The following ARHGEF1 variants were observed in gnomAD, a reference collection of about 807,000 sequenced individuals.
The protein encoded by ARHGEF1 is Rho guanine nucleotide exchange factor 1.
In ARHGEF1, 40 loss-of-function variants were observed where a neutral mutation model predicts 119.7. The observed-to-expected ratio is 0.33, with a 90% confidence interval of 0.26 to 0.44. ARHGEF1 has a LOEUF of 0.44. Ranked by LOEUF, ARHGEF1 falls within the 20% of genes least tolerant of loss-of-function variation. The probability of loss-of-function intolerance (pLI) is 1.00; values close to 1 mark genes in which losing one functional copy is unlikely to be tolerated. For missense variants in ARHGEF1, 976 were observed against 1,268.3 expected, an observed-to-expected ratio of 0.77 and a Z score of 3.50; for synonymous variants, 494 against 521.0, an observed-to-expected ratio of 0.95 and a Z score of 0.71.
chr19:41,884,135 G>C (rs1008219363), intron 1 of ARHGEF1, among the ~76,000 whole-genome samples: 1 of 152,102 alleles, frequency 6.6e-6, no homozygotes, highest in Non-Finnish European at 1.5e-5. Flanking sequence ...GGAGATCTCC[G>C]ATCGAACTCG....
At chr19:41,908,293 C>T (rs1245447201), downstream of ARHGEF1, 7 of 1,231,470 alleles carry the variant, frequency 5.7e-6, no homozygotes, top group South Asian at 4.1e-5. This position sits in a 1 kb window ranked among gnomAD's most constrained non-coding sequence, Gnocchi z 6.7. Flanking sequence ...TCATCGCCCT[C>T]GCTGTCAGAG....
At chr19:41,922,437 A>T (rs1366557043), upstream of ARHGEF1, among the ~76,000 whole-genome samples, 2 of 152,210 alleles carry the variant, frequency 1.3e-5, no homozygotes, top group African/African-American at 4.8e-5. Flanking sequence ...TGGGACTGAG[A>T]TGCGGGAGCA....
Position 41,896,453 on chromosome 19 carries a change from G to A in ARHGEF1, c.1092G>A (p.Glu364=), listed in dbSNP as rs1555847634. The A allele has an allele frequency of 1.3e-6, 2 of 1,483,970 alleles. No individual in the cohort carries two copies. Among genetic ancestry groups the A allele is most frequent in the African/African-American group, 1.4e-5 (1 of 70,590 alleles). The allele number at this position is 1,483,970 out of a possible 1,614,324, so 91.9% of individuals were successfully genotyped here. A position where few individuals can be genotyped will look rare whatever the true frequency, so the allele number is the denominator to read the frequency against. ...PMSLESLAPP[E]STDEGAETES... ...GCCTGGAGTCCTTGGCGCCCCCAGAGAGTACCGACGAGGGGGCCGAAACCG... is the reference window on the plus strand; with the variant it reads ...GCCTGGAGTCCTTGGCGCCCCCAGAAAGTACCGACGAGGGGGCCGAAACCG... Residue 364 remains glutamate, a synonymous_variant, in exon 13 of 29, where the codon GAG becomes GAA. Coordinates refer to ENST00000354532, the MANE Select transcript of ARHGEF1 (RefSeq NM_004706.4).
At chr19:41,894,163 T>TGTGTGC (rs2074437124) in intron 8 of ARHGEF1, 44 bp from the exon 9 acceptor site, 1 of 1,162,902 alleles carries the variant, frequency 8.6e-7, no homozygotes, top group Non-Finnish European at 1.2e-6. Flanking sequence ...TGTGTGTGTG[T>TGTGTGC]GTGTCTTTGT....
rs2074809394 is a variant in ARHGEF1, at chr19:41,917,568, T to G, written c.1866-5524T>G. 2.6e-5 allele frequency among the ~76,000 whole-genome samples: 4 copies of G among 151,302 alleles called. No individual in the cohort carries two copies. Among genetic ancestry groups the G allele is most frequent in the African/African-American group, 7.3e-5 (3 of 41,034 alleles). ...ATTTCATATCTTCTCCGGGGCTCTG[T>G]CTAAAGAGGAGAGAGACGCGGCCTA... On this transcript the variant is annotated intron_variant, in intron 18 of 20. Coordinates refer to the ARHGEF1 transcript ENST00000599589. The surrounding 1 kb of genome is among the most constrained non-coding windows in gnomAD (Gnocchi z 4.8).
Position 41,883,186 on chromosome 19 carries a change from C to A in ARHGEF1, c.-123C>A. 1 of 175,836 alleles carries A rather than the reference C, an allele frequency of 5.7e-6. No homozygotes were observed. The highest frequency in any genetic ancestry group is 1.3e-5 in the Non-Finnish European group (1 of 78,872). The allele number at this position is 175,836 out of a possible 1,614,324, so 10.9% of individuals were successfully genotyped here. On this transcript the variant is annotated 5_prime_UTR_variant, in exon 1 of 29. Transcript: ENST00000354532. The surrounding 1 kb of genome is among the most constrained non-coding windows in gnomAD (Gnocchi z 7.6). ...GGGGGCCTCCGGAAAAACGCCCCGA[C>A]TTCCTGCCCCGCCAGAGCCAGGAAG...
chr19:41,927,134 A>G (rs142449828), intron 1 of ARHGEF1, among the ~76,000 whole-genome samples: 1 of 152,252 alleles, frequency 6.6e-6, no homozygotes, highest in Non-Finnish European at 1.5e-5. Flanking sequence ...GGAGAGTTAG[A>G]GGTGGACACA....
intron 18 of ARHGEF1, among the ~76,000 whole-genome samples, chr19:41,914,057 T>C (rs1302778415): frequency 6.0e-5 from 6 of 99,736 alleles, no homozygotes; most frequent in Non-Finnish European, 9.5e-5. Flanking sequence ...GCCCACACTG[T>C]GTTCCCCCGT....
Position 41,906,486 on chromosome 19 carries a change from G to A in ARHGEF1, c.2521G>A (p.Ala841Thr), listed in dbSNP as rs1555850201. 3.2e-6 allele frequency: 5 copies of A among 1,577,766 alleles called. No individual in the cohort carries two copies. The highest frequency in any genetic ancestry group is 4.3e-6 in the Non-Finnish European group (5 of 1,169,304). Residue 841 changes from alanine to threonine, a missense_variant, in exon 27 of 29, where the codon GCG (alanine) becomes ACG (threonine). Physicochemically the swap from Ala to Thr is moderately conservative, Grantham distance 58 (BLOSUM62 0). Transcript: ENST00000354532. This position sits in a 1 kb window ranked among gnomAD's most constrained non-coding sequence, Gnocchi z 4.5. ...GTCCCTGAAGCAGCTTCTGTTTCCGGCGGAGGAAGACAATGGGGCGGGGCC... is the reference window on the plus strand; with the variant it reads ...GTCCCTGAAGCAGCTTCTGTTTCCGACGGAGGAAGACAATGGGGCGGGGCC... ...VLSLKQLLFPAEEDNGAGPPR... is the reference protein window; with the variant it reads ...VLSLKQLLFPTEEDNGAGPPR...
rs1599637913 is a variant in ARHGEF1, at chr19:41,892,944, T to C, written c.614+95T>C. 2.1e-6 allele frequency: 3 copies of C among 1,419,014 alleles called. No individual in the cohort carries two copies. The highest frequency in any genetic ancestry group is 2.8e-6 in the Non-Finnish European group (3 of 1,086,400). 87.9% of individuals were successfully genotyped at this position (1,419,014 alleles called of 1,614,324 possible). A position where few individuals can be genotyped will look rare whatever the true frequency, so the allele number is the denominator to read the frequency against. On this transcript the variant is annotated intron_variant, in intron 7 of 28. Coordinates refer to ENST00000354532, the MANE Select transcript of ARHGEF1 (RefSeq NM_004706.4). The surrounding 1 kb of genome is among the most constrained non-coding windows in gnomAD (Gnocchi z 6.3). ...TGTTCCATCCCGTTTGCAGGTTCCC[T>C]CTTCAGGGTCAGAGTTCATTTCTTG...
At chr19:41,926,620 T>A (rs1333639334) in intron 1 of ARHGEF1, among the ~76,000 whole-genome samples, 2 of 152,162 alleles carry the variant, frequency 1.3e-5, no homozygotes, top group African/African-American at 4.8e-5. Context: ...AGCTCTGGGC[T>A]AGGCGAGGCC....
Position 41,892,315 on chromosome 19 carries a change from T to G in ARHGEF1, c.325-16T>G, listed in dbSNP as rs1555846355. The G allele has an allele frequency of 6.2e-7, 1 of 1,613,350 alleles. No homozygotes were observed. The highest frequency in any genetic ancestry group is 1.7e-5 in the Admixed American group (1 of 60,002). On this transcript the variant is annotated splice_polypyrimidine_tract_variant and intron_variant, in intron 5 of 28. Transcript: ENST00000354532. The surrounding 1 kb of genome is among the most constrained non-coding windows in gnomAD (Gnocchi z 6.3). Reference sequence around the variant, plus strand: ...CACCAAGTCCTCCTCTTCACCCCATTCTCTCTCTTGAGCAGGTTCTCCGGG... The same window carrying G: ...CACCAAGTCCTCCTCTTCACCCCATGCTCTCTCTTGAGCAGGTTCTCCGGG...
intron 4 of ARHGEF1, chr19:41,890,445 A>G (rs2074358370): frequency 6.6e-6 from 1 of 152,016 alleles, no homozygotes; most frequent in South Asian, 2.1e-4. Context: ...CAAGAGTTCG[A>G]GACCAGCGTG....
At position 41,903,158 on chromosome 19, in the gene ARHGEF1, G is replaced by A; in HGVS notation, c.1739-149G>A. 1.4e-6 allele frequency: 1 copy of A among 710,356 alleles called. No individual in the cohort carries two copies. Among genetic ancestry groups the A allele is most frequent in the Non-Finnish European group, 2.4e-6 (1 of 419,758 alleles). 44.0% of individuals were successfully genotyped at this position (710,356 alleles called of 1,614,324 possible). On this transcript the variant is annotated intron_variant, in intron 18 of 28. Coordinates refer to ENST00000354532, the MANE Select transcript of ARHGEF1 (RefSeq NM_004706.4). The surrounding 1 kb of genome is among the most constrained non-coding windows in gnomAD (Gnocchi z 4.2). ...GCTGGCTTTGAACTCCTGGTCTCAA[G>A]CTATCCTCCCGCCTCAGCCTCCCAA...
chr19:41,905,577 C>T lies in ARHGEF1; in HGVS notation c.2337-183C>T. On this transcript the variant is annotated intron_variant, in intron 24 of 28. Transcript: ENST00000354532. This position sits in a 1 kb window ranked among gnomAD's most constrained non-coding sequence, Gnocchi z 6.4. ...CCGACCCCACCACTGCCCCGTCTGT[C>T]TCCTGTCTCCAGGCCTCTGTGTCTT... is the stretch of plus-strand genomic sequence containing the variant. 1.5e-6 allele frequency: 1 copy of T among 654,548 alleles called. No individual in the cohort carries two copies. The highest frequency in any genetic ancestry group is 2.6e-6 in the Non-Finnish European group (1 of 383,850). The allele number at this position is 654,548 out of a possible 1,614,324, so 40.5% of individuals were successfully genotyped here.
chr19:41,921,165 G>C (rs931311656), upstream of ARHGEF1, among the ~76,000 whole-genome samples: 4 of 152,192 alleles, frequency 2.6e-5, no homozygotes, highest in Admixed American at 6.5e-5. This position sits in a 1 kb window ranked among gnomAD's most constrained non-coding sequence, Gnocchi z 4.4. Flanking sequence ...GAGGCGAGGC[G>C]GAGGGAGGTC....
At position 41,892,938 on chromosome 19, in the gene ARHGEF1, G is replaced by T. The variant is rs1020446513; in HGVS notation, c.614+89G>T. On this transcript the variant is annotated intron_variant, in intron 7 of 28. Coordinates refer to ENST00000354532, the MANE Select transcript of ARHGEF1 (RefSeq NM_004706.4). This position sits in a 1 kb window ranked among gnomAD's most constrained non-coding sequence, Gnocchi z 6.3. ...CTGGCATGTTCCATCCCGTTTGCAG[G>T]TTCCCTCTTCAGGGTCAGAGTTCAT... 3 of 1,423,896 alleles carry T rather than the reference G, an allele frequency of 2.1e-6. No homozygotes were observed. The highest frequency in any genetic ancestry group is 2.9e-5 in the African/African-American group (2 of 69,498). 88.2% of individuals were successfully genotyped at this position (1,423,896 alleles called of 1,614,324 possible). A position where few individuals can be genotyped will look rare whatever the true frequency, so the allele number is the denominator to read the frequency against.
intron 8 of ARHGEF1, 43 bp from the exon 9 acceptor site, chr19:41,894,164 G>GTGTC (rs2074437261): frequency 1.7e-6 from 2 of 1,198,832 alleles, no homozygotes; most frequent in Middle Eastern, 2.7e-4. Flanking sequence ...GTGTGTGTGT[G>GTGTC]TGTCTTTGTG....
chr19:41,906,150 C>A lies in ARHGEF1; in HGVS notation c.2491+125C>A. ...GCTGCCAGAAAACAAATGCTCCAAACCCACCCAGCCTGCACCACTGTCCTG... is the reference window on the plus strand; with the variant it reads ...GCTGCCAGAAAACAAATGCTCCAAAACCACCCAGCCTGCACCACTGTCCTG... On this transcript the variant is annotated intron_variant, in intron 26 of 28. Coordinates refer to ENST00000354532, the MANE Select transcript of ARHGEF1 (RefSeq NM_004706.4). The surrounding 1 kb of genome is among the most constrained non-coding windows in gnomAD (Gnocchi z 4.5). 1 of 919,092 alleles carries A rather than the reference C, an allele frequency of 1.1e-6. No individual in the cohort carries two copies. The highest frequency in any genetic ancestry group is 1.7e-6 in the Non-Finnish European group (1 of 596,558). The allele number at this position is 919,092 out of a possible 1,614,324, so 56.9% of individuals were successfully genotyped here.
Sources: gnomAD v4.1 joint callset for allele counts (sites outside exome capture counted in the v4.1 genomes callset) on GRCh38, gnomAD v4.1.1 for gene constraint, Gnocchi (gnomAD v3.1) non-coding constraint, MANE v1.5 for transcripts, NCBI Gene and HGNC (gene_info 2026-07-23, HGNC 2026-07-21) for gene names.